Variants in MOB3B observed in about 807,000 individuals in gnomAD.
MOB3B encodes MOB kinase activator-like 2B.
Under a neutral mutation model 18.7 loss-of-function variants are expected in MOB3B, and 7 were observed. That is an observed-to-expected ratio of 0.37 (90% confidence interval 0.21 to 0.70). The LOEUF (loss-of-function observed/expected upper bound fraction) is 0.70. Ranked by LOEUF, MOB3B falls within the 30% of genes least tolerant of loss-of-function variation. The pLI is 0.52. For missense variants in MOB3B, 253 were observed against 281.3 expected, an observed-to-expected ratio of 0.90 and a Z score of 0.72; for synonymous variants, 111 against 99.9, an observed-to-expected ratio of 1.11 and a Z score of -0.66.
intron 1 of MOB3B, chr9:27,526,213 T>C (rs746520908): frequency 6.6e-6 from 1 of 152,184 alleles, no homozygotes; most frequent in East Asian, 1.9e-4. Context: ...AGTCTTATGA[T>C]AAAAGTGAGG....
intron 2 of MOB3B, among the ~76,000 whole-genome samples, chr9:27,432,755 C>A (rs1193331128): frequency 1.3e-5 from 2 of 152,142 alleles, no homozygotes; most frequent in African/African-American, 4.8e-5. Flanking sequence ...CTGGGCTATG[C>A]ATTTTAATCA....
At chr9:27,445,272 A>G (rs1328783314) in intron 2 of MOB3B, among the ~76,000 whole-genome samples, 3 of 152,202 alleles carry the variant, frequency 2.0e-5, no homozygotes, top group Admixed American at 2.0e-4. Flanking sequence ...CTTACAAAGC[A>G]GGTATTATTA....
chr9:27,444,258 AGGAAGGAAGGAG>A (rs1220778454), intron 2 of MOB3B, among the ~76,000 whole-genome samples: 2 of 107,994 alleles, frequency 1.9e-5, no homozygotes, highest in Non-Finnish European at 4.0e-5. Context: ...GAAGGAAGGA[AGGAAGGAAGGAG>A]GGAGGGAGGG....
chr9:27,495,315 G>A (rs1819879216), intron 1 of MOB3B, among the ~76,000 whole-genome samples: 2 of 152,112 alleles, frequency 1.3e-5, no homozygotes, highest in Non-Finnish European at 2.9e-5. Context: ...TGGTGACAGA[G>A]TGAGACCCTG....
intron 2 of MOB3B, among the ~76,000 whole-genome samples, chr9:27,441,986 A>G (rs1003722944): frequency 6.6e-6 from 1 of 152,210 alleles, no homozygotes; most frequent in Non-Finnish European, 1.5e-5. Context: ...ATATGAGTCC[A>G]GTTGCCTTCT....
chr9:27,506,939 C>G (rs1345762311), intron 1 of MOB3B, among the ~76,000 whole-genome samples: 1 of 151,556 alleles, frequency 6.6e-6, no homozygotes, highest in East Asian at 1.9e-4. Flanking sequence ...CTTGGCCTCG[C>G]AAAGTGCTGG....
chr9:27,380,886 T>C (rs970127089), intron 2 of MOB3B, among the ~76,000 whole-genome samples: 4 of 152,198 alleles, frequency 2.6e-5, no homozygotes, highest in African/African-American at 9.7e-5. Flanking sequence ...TCTGGGGCTT[T>C]CCACACTGCC....
chr9:27,489,265 C>A (rs977320408), intron 1 of MOB3B, among the ~76,000 whole-genome samples: 4 of 152,192 alleles, frequency 2.6e-5, no homozygotes, highest in South Asian at 2.1e-4. Flanking sequence ...ACATAGAAAT[C>A]CAACAGAAGC....
rs542602277 is a variant in MOB3B, at chr9:27,438,065, C to T, written c.418+17068G>A. ...CTCATATTTACTAACACCACGAAGA[C>T]ATTGTGGTACGAACCAGTTTACCTT... On this transcript the variant is annotated intron_variant, in intron 2 of 3. Transcript: ENST00000262244. Among the ~76,000 whole-genome samples, 537 of 152,304 alleles carry T rather than the reference C, an allele frequency of 3.5e-3. 3 individuals are homozygous for T. Among genetic ancestry groups the T allele is most frequent in the Non-Finnish European group, 5.7e-3 (385 of 68,012 alleles).
chr9:27,379,611 C>T (rs1183687195), intron 2 of MOB3B, among the ~76,000 whole-genome samples: 1 of 152,122 alleles, frequency 6.6e-6, no homozygotes, highest in Non-Finnish European at 1.5e-5. Flanking sequence ...TTCTCCTTAC[C>T]ATAGGAGCAG....
In MOB3B at chr9:27,466,089, C is replaced by T. The variant is rs527281402; in HGVS notation, c.-198-10341G>A. Among the ~76,000 whole-genome samples the T allele has an allele frequency of 2.6e-5, 4 of 152,326 alleles. No homozygotes were observed. In the South Asian group the frequency reaches 8.3e-4, roughly 32 times the overall value. ...GGGTTTTTCTTTTCTACTGCATCGT[C>T]AGGCTGCAAATTTTCTGAACTTTTA... is the stretch of plus-strand genomic sequence containing the variant. On this transcript the variant is annotated intron_variant, in intron 1 of 3. Transcript: ENST00000262244.
chr9:27,433,844 G>A (rs1822452892), intron 2 of MOB3B, among the ~76,000 whole-genome samples: 1 of 152,122 alleles, frequency 6.6e-6, no homozygotes, highest in Non-Finnish European at 1.5e-5. Flanking sequence ...GCCTGCAGAG[G>A]TCAAGCAGCC....
chr9:27,444,201 A>AAAAG (rs1262149632), intron 2 of MOB3B, among the ~76,000 whole-genome samples: 10 of 145,062 alleles, frequency 6.9e-5, no homozygotes, highest in Admixed American at 2.0e-4. Flanking sequence ...GAAAGAAAGA[A>AAAAG]AAAGAAAGAA....
intron 2 of MOB3B, among the ~76,000 whole-genome samples, chr9:27,372,008 AT>A (rs1450647604): frequency 2.6e-4 from 39 of 152,248 alleles, no homozygotes; most frequent in Admixed American, 2.6e-3. Context: ...AAATTTAAAA[AT>A]TAAAAAAGAA....
At chr9:27,448,677 C>T (rs541881381) in intron 2 of MOB3B, among the ~76,000 whole-genome samples, 1 of 152,176 alleles carries the variant, frequency 6.6e-6, no homozygotes, top group Non-Finnish European at 1.5e-5. Flanking sequence ...CAAAACATGT[C>T]AGCAGATGAA....
chr9:27,518,313 T>C (rs1176279046), intron 1 of MOB3B, among the ~76,000 whole-genome samples: 2 of 152,148 alleles, frequency 1.3e-5, no homozygotes, highest in Non-Finnish European at 2.9e-5. Flanking sequence ...TTGGATGTGA[T>C]CTAGGAAAAA....
At chr9:27,401,475 A>C (rs918281038) in intron 2 of MOB3B, among the ~76,000 whole-genome samples, 7 of 152,164 alleles carry the variant, frequency 4.6e-5, no homozygotes, top group African/African-American at 1.7e-4. Flanking sequence ...AGGTGGGATC[A>C]CACAGACAAA....
chr9:27,388,610 C>T (rs946839548), intron 2 of MOB3B, among the ~76,000 whole-genome samples: 3 of 152,084 alleles, frequency 2.0e-5, no homozygotes, highest in African/African-American at 7.2e-5. Flanking sequence ...TATACCTCGC[C>T]ACCCCCAACC....
intron 1 of MOB3B, among the ~76,000 whole-genome samples, chr9:27,509,360 CA>C (rs1184085241): frequency 6.6e-6 from 1 of 151,958 alleles, no homozygotes; most frequent in Admixed American, 6.6e-5. Flanking sequence ...TCAAGTTCCC[CA>C]AATTTAAAGA....
Sources: gnomAD v4.1 joint callset for allele counts (sites outside exome capture counted in the v4.1 genomes callset) on GRCh38, gnomAD v4.1.1 for gene constraint, MANE v1.5 for transcripts, NCBI Gene and HGNC (gene_info 2026-07-23, HGNC 2026-07-21) for gene names.